Variants in BLTP2 observed in about 807,000 individuals in gnomAD.
BLTP2 encodes the protein U937-associated antigen.
chr17:28,632,849 C>A, the BLTP2 span: 227 of 964,448 alleles, frequency 2.4e-4, no homozygotes, highest in African/African-American at 3.2e-3. Context: ...TCTCCCCTCC[C>A]CTCCCCTCCC....
the BLTP2 span, chr17:28,640,100 G>GT: frequency 6.4e-7 from 1 of 1,556,746 alleles, no homozygotes; most frequent in Admixed American, 1.8e-5. Context: ...TTTTTTAAAA[G>GT]TAATTATTTT....
At chr17:28,645,157 A>G in the BLTP2 span, 2 of 976,814 alleles carry the variant, frequency 2.0e-6, no homozygotes, top group Non-Finnish European at 2.8e-6. Context: ...CTGCGCGCGC[A>G]GGAGCAACGC....
At chr17:28,639,262 G>A in the BLTP2 span, 28 of 1,597,078 alleles carry the variant, frequency 1.8e-5, no homozygotes, top group Non-Finnish European at 2.3e-5. Flanking sequence ...TGGACCAAAA[G>A]AATCCCAGAG....
the BLTP2 span, chr17:28,620,727 C>A: frequency 7.2e-7 from 1 of 1,385,946 alleles, no homozygotes; most frequent in Non-Finnish European, 1.0e-6. Flanking sequence ...CACTAGTCAA[C>A]CCCACAGAAA....
chr17:28,618,250 A>ATTAT, the BLTP2 span, among the ~76,000 whole-genome samples: 3 of 148,486 alleles, frequency 2.0e-5, no homozygotes, highest in Non-Finnish European at 4.5e-5. Context: ...TATGTTTTTA[A>ATTAT]TTATTTATTT....
the BLTP2 span, chr17:28,633,037 T>A: frequency 6.3e-7 from 1 of 1,585,668 alleles, no homozygotes; most frequent in Non-Finnish European, 8.6e-7. Context: ...CAAGGGCACC[T>A]CAGGCAGGAA....
At chr17:28,634,953 T>A in the BLTP2 span, 7 of 1,613,528 alleles carry the variant, frequency 4.3e-6, no homozygotes, top group African/African-American at 2.7e-5. Context: ...AGAAAACCCA[T>A]GAGAAGTGCT....
chr17:28,617,891 GT>G, the BLTP2 span, among the ~76,000 whole-genome samples: 2 of 150,626 alleles, frequency 1.3e-5, no homozygotes, highest in South Asian at 2.1e-4. Context: ...AGCCTCCTGA[GT>G]AGCTGGGCTT....
chr17:28,635,083 G>A, the BLTP2 span: 1 of 1,613,508 alleles, frequency 6.2e-7, no homozygotes, highest in Admixed American at 1.7e-5. Context: ...TAGAGTTCGA[G>A]AAAAGTCATA....
the BLTP2 span, among the ~76,000 whole-genome samples, chr17:28,641,598 G>A: frequency 1.3e-5 from 2 of 151,220 alleles, no homozygotes; most frequent in African/African-American, 2.4e-5. Flanking sequence ...CCGAGATCAC[G>A]CCATTGCACT....
chr17:28,643,901 T>C, the BLTP2 span, among the ~76,000 whole-genome samples: 24 of 152,326 alleles, frequency 1.6e-4, no homozygotes, highest in Non-Finnish European at 3.4e-4. Flanking sequence ...CTTGCAGCGT[T>C]CTCCAACTAG....
At chr17:28,645,144 C>G in the BLTP2 span, 2 of 1,104,150 alleles carry the variant, frequency 1.8e-6, no homozygotes, top group Non-Finnish European at 2.4e-6. Context: ...GCGGGCCGAC[C>G]AGCTGCGCGC....
At chr17:28,619,103 T>A in the BLTP2 span, 3 of 644,372 alleles carry the variant, frequency 4.7e-6, no homozygotes, top group East Asian at 8.3e-5. Context: ...AGTCCCTACA[T>A]TTTTTTCACT....
chr17:28,631,359 CATAA>C, the BLTP2 span: 20 of 917,592 alleles, frequency 2.2e-5, no homozygotes, highest in Non-Finnish European at 3.0e-5. Flanking sequence ...AGCCAAAACT[CATAA>C]ATAAATTTTT....
the BLTP2 span, chr17:28,631,718 G>C: frequency 1.2e-6 from 2 of 1,609,650 alleles, no homozygotes; most frequent in Non-Finnish European, 1.7e-6. Flanking sequence ...ATGCTGACCA[G>C]TTCAGAGGAT....
At chr17:28,614,463 T>C in the BLTP2 span, 1 of 420,062 alleles carries the variant, frequency 2.4e-6, no homozygotes, top group Non-Finnish European at 4.0e-6. Context: ...TAAAATATCT[T>C]TTTTTTTCTC....
the BLTP2 span, chr17:28,643,622 C>T: frequency 6.2e-7 from 1 of 1,613,988 alleles, no homozygotes. Context: ...AAGATCATGG[C>T]TAAGGAGTTT....
the BLTP2 span, among the ~76,000 whole-genome samples, chr17:28,644,502 G>A: frequency 6.6e-6 from 1 of 152,214 alleles, no homozygotes; most frequent in East Asian, 1.9e-4. Context: ...AGCGGAGGCG[G>A]CTCTGTCACA....
At chr17:28,625,788 G>A in the BLTP2 span, among the ~76,000 whole-genome samples, 703 of 152,050 alleles carry the variant, frequency 4.6e-3, 5 homozygotes, top group African/African-American at 0.016. Flanking sequence ...CCCTTGAGAT[G>A]GAGTTTCACT....
Sources: allele counts gnomAD v4.1 joint callset (sites outside exome capture counted in the v4.1 genomes callset), GRCh38; gene constraint gnomAD v4.1.1; transcripts MANE v1.5; gene names NCBI Gene and HGNC (gene_info 2026-07-23, HGNC 2026-07-21).